The following GRIP1 variants were observed in gnomAD, a reference collection of about 807,000 sequenced individuals.
The protein encoded by GRIP1 is glutamate receptor-interacting protein 1.
In GRIP1, 45 loss-of-function variants were observed where a neutral mutation model predicts 129.9. That is an observed-to-expected ratio of 0.35 (90% confidence interval 0.27 to 0.44). GRIP1 has a LOEUF of 0.44. Ranked by LOEUF, GRIP1 falls within the 20% of genes least tolerant of loss-of-function variation. The pLI is 1.00. For missense variants in GRIP1, 1,196 were observed against 1,396.8 expected (o/e 0.86, Z 2.29); for synonymous variants, 530 against 520.8 (o/e 1.02, Z -0.24).
At chr12:66,507,130 T>C (rs1213554098) in intron 7 of GRIP1, among the ~76,000 whole-genome samples, 1 of 152,152 alleles carries the variant, frequency 6.6e-6, no homozygotes, top group Non-Finnish European at 1.5e-5. Context: ...CTCATTGAGA[T>C]CACCTGTAAG....
At chr12:66,873,059 T>C (rs113748686) in intron 1 of GRIP1, among the ~76,000 whole-genome samples, 3 of 152,210 alleles carry the variant, frequency 2.0e-5, no homozygotes, top group African/African-American at 7.2e-5. Context: ...ATAGAGTACC[T>C]ACAGGTGGCC....
chr12:66,871,603 C>G (rs1400709433), intron 1 of GRIP1, among the ~76,000 whole-genome samples: 1 of 152,080 alleles, frequency 6.6e-6, no homozygotes, highest in African/African-American at 2.4e-5. Context: ...TCATCATCTT[C>G]TTCATCTTCA....
chr12:66,910,486 C>T (rs1193413060), intron 1 of GRIP1, among the ~76,000 whole-genome samples: 1 of 152,070 alleles, frequency 6.6e-6, no homozygotes, highest in African/African-American at 2.4e-5. Flanking sequence ...AACCAAAAGG[C>T]TGCAGCAGAA....
chr12:67,060,819 C>T (rs1309997290), intron 1 of GRIP1, among the ~76,000 whole-genome samples: 4 of 89,588 alleles, frequency 4.5e-5, no homozygotes, highest in African/African-American at 1.5e-4. Context: ...AACGAAACTC[C>T]GTCTCAAAAA....
intron 1 of GRIP1, among the ~76,000 whole-genome samples, chr12:66,766,221 T>C (rs1187886091): frequency 6.6e-6 from 1 of 152,188 alleles, no homozygotes; most frequent in East Asian, 1.9e-4. Flanking sequence ...CTCCAGGTCT[T>C]GAATTTCATA....
chr12:66,701,818 G>A (rs886337941), intron 1 of GRIP1, among the ~76,000 whole-genome samples: 5 of 152,274 alleles, frequency 3.3e-5, no homozygotes, highest in African/African-American at 7.2e-5. Flanking sequence ...CTTAAATGGC[G>A]TATTTCATGC....
intron 1 of GRIP1, among the ~76,000 whole-genome samples, chr12:66,901,452 T>C (rs1302097287): frequency 6.6e-6 from 1 of 152,250 alleles, no homozygotes; most frequent in Non-Finnish European, 1.5e-5. Context: ...GTTCTGCTTA[T>C]GCTTCTTGAG....
chr12:66,749,576 C>T (rs894570700), intron 1 of GRIP1, among the ~76,000 whole-genome samples: 1 of 152,084 alleles, frequency 6.6e-6, no homozygotes, highest in Non-Finnish European at 1.5e-5. Flanking sequence ...TTTTTCTAAC[C>T]GGTATGCAGT....
chr12:66,705,058 T>C (rs55743626), intron 1 of GRIP1, among the ~76,000 whole-genome samples: 21,922 of 152,088 alleles, frequency 0.14, 1,729 homozygotes, highest in Non-Finnish European at 0.17. Context: ...GAGCCCTTAC[T>C]ACAAAGTACT....
At chr12:66,883,347 TC>T (rs2137200115) in intron 1 of GRIP1, among the ~76,000 whole-genome samples, 1 of 152,308 alleles carries the variant, frequency 6.6e-6, no homozygotes, top group African/African-American at 2.4e-5. Context: ...TCATGTTTTT[TC>T]ATCTTCATTT....
At chr12:66,562,094 A>G (rs1211032006) in intron 2 of GRIP1, among the ~76,000 whole-genome samples, 3 of 152,168 alleles carry the variant, frequency 2.0e-5, no homozygotes, top group African/African-American at 7.2e-5. Context: ...GGTCAGAGCA[A>G]GATCCTGTCT....
At chr12:66,705,055 T>C (rs917004785) in intron 1 of GRIP1, among the ~76,000 whole-genome samples, 5 of 152,084 alleles carry the variant, frequency 3.3e-5, no homozygotes, top group African/African-American at 1.2e-4. Context: ...ACAGAGCCCT[T>C]ACTACAAAGT....
intron 1 of GRIP1, among the ~76,000 whole-genome samples, chr12:66,951,772 C>T (rs1194886104): frequency 2.0e-5 from 3 of 152,100 alleles, no homozygotes; most frequent in East Asian, 1.9e-4. Context: ...GATTTGACAG[C>T]CATCAGGGAG....
At chr12:66,422,962 G>A (rs2057860333) in intron 14 of GRIP1, among the ~76,000 whole-genome samples, 1 of 152,146 alleles carries the variant, frequency 6.6e-6, no homozygotes, top group Non-Finnish European at 1.5e-5. Context: ...GTGTATCCTA[G>A]CCCCATGTTT....
chr12:66,524,385 C>G (rs1209997794), intron 5 of GRIP1, among the ~76,000 whole-genome samples: 1 of 152,194 alleles, frequency 6.6e-6, no homozygotes, highest in East Asian at 1.9e-4. Context: ...CACTCAAAAC[C>G]ACTCAACTAC....
At chr12:66,591,586 C>G (rs2063847591) in intron 2 of GRIP1, among the ~76,000 whole-genome samples, 1 of 152,086 alleles carries the variant, frequency 6.6e-6, no homozygotes, top group South Asian at 2.1e-4. Flanking sequence ...ATTCAACTGA[C>G]TTTGGTTTCT....
chr12:66,539,672 C>T (rs550574416), intron 3 of GRIP1, among the ~76,000 whole-genome samples: 1 of 150,346 alleles, frequency 6.7e-6, no homozygotes, highest in Admixed American at 6.7e-5. Context: ...TGCTGCCTCC[C>T]TTTTGTACAT....
chr12:66,513,739 G>T (rs1329967090), intron 7 of GRIP1, among the ~76,000 whole-genome samples: 1 of 152,080 alleles, frequency 6.6e-6, no homozygotes, highest in African/African-American at 2.4e-5. Flanking sequence ...CTCCTATAAG[G>T]AGCTGACTAG....
chr12:66,423,099 TA>T (rs1229993001), intron 14 of GRIP1, among the ~76,000 whole-genome samples: 1 of 152,190 alleles, frequency 6.6e-6, no homozygotes, highest in African/African-American at 2.4e-5. Context: ...TGGCTTCTTT[TA>T]AAAAAATAGA....
Sources: gnomAD v4.1 joint callset for allele counts (sites outside exome capture counted in the v4.1 genomes callset) on GRCh38, gnomAD v4.1.1 for gene constraint, MANE v1.5 for transcripts, NCBI Gene and HGNC (gene_info 2026-07-23, HGNC 2026-07-21) for gene names.